The following VPS13A variants were observed in gnomAD, a reference collection of about 807,000 sequenced individuals.
The protein encoded by VPS13A is vacuolar protein sorting 13 homolog A.
In VPS13A, 264 loss-of-function variants were observed where a neutral mutation model predicts 390.9. The ratio of observed to expected loss-of-function variants is 0.68; its 90% CI spans 0.61 to 0.75. The LOEUF is 0.75. VPS13A is among the 30% of genes least tolerant of loss of function. The pLI is 0.00. For synonymous variants in VPS13A, 1,231 were observed against 1,227.1 expected (o/e 1.00, Z -0.07); for missense variants, 3,409 against 3,733.9 (o/e 0.91, Z 2.27).
chr9:77,381,909 C>T lies in VPS13A; in HGVS notation c.9078-67C>T, dbSNP rs368204621. 274 of 1,011,724 alleles carry T rather than the reference C, an allele frequency of 2.7e-4. 3 individuals are homozygous for T. In the South Asian group the frequency reaches 3.8e-3, roughly 14 times the overall value. The allele number at this position is 1,011,724 out of a possible 1,614,324, so 62.7% of individuals were successfully genotyped here. ...GAAATAAGATTGTTTTTAGTAATTGCATTTTATAGTTTATTTACAAGTTTT... is the reference window on the plus strand; with the variant it reads ...GAAATAAGATTGTTTTTAGTAATTGTATTTTATAGTTTATTTACAAGTTTT... On this transcript the variant is annotated intron_variant, in intron 67 of 71. Coordinates refer to ENST00000360280, the MANE Select transcript of VPS13A (RefSeq NM_033305.3).
intron 1 of VPS13A, among the ~76,000 whole-genome samples, chr9:77,193,680 G>C (rs1824821017): frequency 1.3e-5 from 2 of 152,136 alleles, no homozygotes; most frequent in South Asian, 4.1e-4. Flanking sequence ...GGGAGCTACT[G>C]CAGTCATTTT....
intron 70 of VPS13A, 40 bp from the exon 71 acceptor site, chr9:77,407,493 C>CAGAT: frequency 6.5e-7 from 1 of 1,528,638 alleles, no homozygotes; most frequent in Non-Finnish European, 9.1e-7. Context: ...TTTTTACAAC[C>CAGAT]AGATTATCTT....
chr9:77,238,289 A>C lies in VPS13A; in HGVS notation c.1803A>C (p.Ile601=). The part of the protein sequence containing the change: ...IIYDARTVNS[I]VEFFRPPKEV... ...TTTAACAGAGGACAGTGAATAGTAT[A>C]GTGGAATTCTTCAGACCTCCAAAAG... is the stretch of plus-strand genomic sequence containing the variant. Residue 601 remains isoleucine, a synonymous_variant, in exon 19 of 72, where the codon ATA becomes ATC. Transcript: ENST00000360280. The C allele has an allele frequency of 6.2e-7, 1 of 1,613,868 alleles. No individual in the cohort carries two copies. The highest frequency in any genetic ancestry group is 8.5e-7 in the Non-Finnish European group (1 of 1,179,812).
intron 68 of VPS13A, chr9:77,395,789 A>G (rs776496214): frequency 6.6e-6 from 1 of 152,176 alleles, no homozygotes; most frequent in Non-Finnish European, 1.5e-5. Context: ...GACAAAATCT[A>G]TTCTATTTAA....
chr9:77,214,502 T>C (rs1278369645), intron 10 of VPS13A, 116 bp downstream of exon 10: 4 of 747,114 alleles, frequency 5.4e-6, no homozygotes. Flanking sequence ...TATAGTTAAA[T>C]GTATTTATAA....
At chr9:77,392,038 AAC>A (rs1833918345) in intron 68 of VPS13A, among the ~76,000 whole-genome samples, 1 of 152,200 alleles carries the variant, frequency 6.6e-6, no homozygotes, top group African/African-American at 2.4e-5. Flanking sequence ...TGGGGCATAA[AAC>A]ACATGCCACG....
chr9:77,193,757 T>G (rs952282062), intron 1 of VPS13A, among the ~76,000 whole-genome samples: 1 of 152,242 alleles, frequency 6.6e-6, no homozygotes, highest in Admixed American at 6.5e-5. Context: ...CTCATCTTTG[T>G]GGGCTGATGT....
intron 13 of VPS13A, among the ~76,000 whole-genome samples, chr9:77,225,720 A>G (rs1823469736): frequency 1.3e-5 from 2 of 152,110 alleles, no homozygotes; most frequent in South Asian, 4.1e-4. Context: ...TCAAAAAATT[A>G]CTCTCTAATT....
intron 29 of VPS13A, 21 bp downstream of exon 29, chr9:77,282,295 G>C (rs767195374): frequency 1.3e-6 from 2 of 1,596,698 alleles, no homozygotes; most frequent in African/African-American, 2.7e-5. Flanking sequence ...TAAAAATTTA[G>C]CATCAACTTT....
intron 54 of VPS13A, among the ~76,000 whole-genome samples, chr9:77,354,172 G>A (rs928652047): frequency 1.1e-4 from 16 of 151,640 alleles, no homozygotes; most frequent in African/African-American, 3.6e-4. Context: ...ACATATATTA[G>A]TGCTTAATGT....
chr9:77,385,324 T>C, intron 68 of VPS13A: 1 of 385,372 alleles, frequency 2.6e-6, no homozygotes, highest in Non-Finnish European at 3.5e-6. Flanking sequence ...ACCGTTCTTT[T>C]ATGTCTTTGC....
Position 77,368,119 on chromosome 9 carries a change from A to G in VPS13A, c.8536A>G (p.Arg2846Gly). The change falls in exon 62 of 72, where the codon AGA becomes GGA. Residue 2846 changes from arginine to glycine, a missense_variant. Transcript: ENST00000360280. ...TTSDLQSEVI[R>G]HYSKQAIKQM... is the part of the protein sequence containing the mutation. ...ATCCGATCTACAGTCTGAAGTCATA[A>G]GACACTATTCAAAACAGGTTTGTCT... The G allele has an allele frequency of 6.2e-7, 1 of 1,612,116 alleles. No homozygotes were observed. The highest frequency in any genetic ancestry group is 8.5e-7 in the Non-Finnish European group (1 of 1,179,310).
intron 22 of VPS13A, among the ~76,000 whole-genome samples, chr9:77,253,903 A>T (rs903384719): frequency 1.6e-5 from 2 of 125,300 alleles, no homozygotes; most frequent in Non-Finnish European, 3.4e-5. Flanking sequence ...TAATTTTTGT[A>T]TGTGACATAT....
intron 68 of VPS13A, among the ~76,000 whole-genome samples, chr9:77,400,926 A>G (rs557138960): frequency 2.0e-5 from 3 of 152,208 alleles, no homozygotes; most frequent in African/African-American, 7.2e-5. Context: ...TTGATAGGGT[A>G]TATAGAGAGA....
chr9:77,307,889 T>C, intron 34 of VPS13A, 56 bp from the exon 35 acceptor site: 1 of 1,412,312 alleles, frequency 7.1e-7, no homozygotes, highest in South Asian at 1.2e-5. Flanking sequence ...TAACTGCAGT[T>C]AAATTCTGCA....
intron 23 of VPS13A, among the ~76,000 whole-genome samples, chr9:77,261,179 G>A (rs1304449614): frequency 6.6e-6 from 1 of 152,034 alleles, no homozygotes; most frequent in Non-Finnish European, 1.5e-5. Flanking sequence ...GATTACAGGC[G>A]TGAACCACCG....
intron 7 of VPS13A, among the ~76,000 whole-genome samples, chr9:77,212,292 A>C (rs933473406): frequency 3.3e-5 from 5 of 152,100 alleles, no homozygotes; most frequent in Admixed American, 3.3e-4. Flanking sequence ...TTTGCATTAT[A>C]TTCTCCTGCA....
chr9:77,335,754 G>T (rs1830507987), intron 46 of VPS13A, among the ~76,000 whole-genome samples: 1 of 152,192 alleles, frequency 6.6e-6, no homozygotes, highest in African/African-American at 2.4e-5. Context: ...CACTTTTGGT[G>T]GTAGTGTAAA....
intron 68 of VPS13A, chr9:77,382,321 A>G (rs1453667981): frequency 6.5e-7 from 1 of 1,543,436 alleles, no homozygotes; most frequent in Non-Finnish European, 8.7e-7. Flanking sequence ...ATGACTTTGC[A>G]AGTGAAAGCC....
Sources: allele counts gnomAD v4.1 joint callset (sites outside exome capture counted in the v4.1 genomes callset), GRCh38; gene constraint gnomAD v4.1.1; transcripts MANE v1.5; gene names NCBI Gene and HGNC (gene_info 2026-07-23, HGNC 2026-07-21).